Variants in PTPRD observed in about 807,000 individuals in gnomAD.
PTPRD encodes the protein protein tyrosine phosphatase receptor type D, also known as receptor-type tyrosine-protein phosphatase delta.
PTPRD carries 34 observed loss-of-function variants against 214.5 expected under a neutral mutation model. The observed-to-expected ratio is 0.16, with a 90% CI of 0.12 to 0.21. PTPRD has a LOEUF of 0.21. PTPRD is among the 10% of genes least tolerant of loss of function. The pLI is 1.00. For synonymous variants in PTPRD, 1,128 were observed against 845.7 expected, an observed-to-expected ratio of 1.33 and a Z score of -5.79; for missense variants, 2,545 against 2,398.7, an observed-to-expected ratio of 1.06 and a Z score of -1.27.
intron 11 of PTPRD, among the ~76,000 whole-genome samples, chr9:8,932,114 T>C (rs1275102333): frequency 6.6e-6 from 1 of 152,190 alleles, no homozygotes; most frequent in Non-Finnish European, 1.5e-5. Flanking sequence ...AACCCGCTCC[T>C]GGATTCGTTG....
At chr9:9,988,023 C>A (rs897982691) in intron 4 of PTPRD, among the ~76,000 whole-genome samples, 17 of 152,028 alleles carry the variant, frequency 1.1e-4, no homozygotes, top group African/African-American at 4.1e-4. Flanking sequence ...ATATCAATAA[C>A]AAAGAATTTA....
intron 11 of PTPRD, among the ~76,000 whole-genome samples, chr9:8,950,038 A>G (rs368199339): frequency 6.6e-5 from 10 of 152,158 alleles, no homozygotes; most frequent in South Asian, 2.1e-4. Flanking sequence ...TAATTCATCA[A>G]TCGTGTTGCA....
At chr9:10,543,467 A>AAT (rs771137112) in intron 2 of PTPRD, among the ~76,000 whole-genome samples, 142 of 142,998 alleles carry the variant, frequency 9.9e-4, no homozygotes, top group African/African-American at 2.5e-3. Flanking sequence ...TGAAGAGTTT[A>AAT]ATATATATAT....
intron 3 of PTPRD, among the ~76,000 whole-genome samples, chr9:10,035,964 G>A (rs1319399031): frequency 6.6e-6 from 1 of 152,076 alleles, no homozygotes; most frequent in East Asian, 1.9e-4. Context: ...GAGGACATAG[G>A]TGAGTGTCTA....
At chr9:9,896,740 A>G (rs1477769408) in intron 5 of PTPRD, among the ~76,000 whole-genome samples, 2 of 152,100 alleles carry the variant, frequency 1.3e-5, no homozygotes, top group Non-Finnish European at 2.9e-5. Context: ...TTGGGCATCA[A>G]TTGAAATATT....
intron 8 of PTPRD, among the ~76,000 whole-genome samples, chr9:9,489,708 C>T (rs994134744): frequency 6.6e-6 from 1 of 152,018 alleles, no homozygotes; most frequent in African/African-American, 2.4e-5. Context: ...AAAAATATCA[C>T]TGAGTCTTTA....
chr9:9,913,678 C>G (rs1433557983), intron 5 of PTPRD, among the ~76,000 whole-genome samples: 3 of 152,110 alleles, frequency 2.0e-5, no homozygotes, highest in African/African-American at 7.2e-5. Flanking sequence ...GCAGAAGAAC[C>G]CCACAAGCCC....
At chr9:10,320,718 T>G (rs1010424363) in intron 3 of PTPRD, among the ~76,000 whole-genome samples, 1 of 151,946 alleles carries the variant, frequency 6.6e-6, no homozygotes, top group African/African-American at 2.4e-5. Flanking sequence ...TTCCATTCAT[T>G]CATTGATTTT....
intron 8 of PTPRD, among the ~76,000 whole-genome samples, chr9:9,402,644 G>T (rs1390496622): frequency 6.6e-6 from 1 of 151,856 alleles, no homozygotes; most frequent in Non-Finnish European, 1.5e-5. Context: ...CCAAAACATT[G>T]AGATAATGCA....
intron 3 of PTPRD, among the ~76,000 whole-genome samples, chr9:10,037,668 A>G (rs73390239): frequency 1.3e-5 from 2 of 151,768 alleles, no homozygotes; most frequent in East Asian, 1.9e-4. Flanking sequence ...CAAGTTCTCC[A>G]TGGGAATTGA....
intron 10 of PTPRD, among the ~76,000 whole-genome samples, chr9:9,135,151 C>T (rs183955220): frequency 4.6e-5 from 7 of 152,240 alleles, no homozygotes; most frequent in East Asian, 3.9e-4. Context: ...AGTTTAAAGA[C>T]GTATCATATT....
At position 9,961,109 on chromosome 9, in the gene PTPRD, C is replaced by A. The variant is rs189929437; in HGVS notation, c.-471-22499G>T. On this transcript the variant is annotated intron_variant, in intron 4 of 45. Transcript: ENST00000381196. ...ATCTCCTTTCAAATATGAATTACAA[C>A]TAGGTTAAATGAATTACTGATATCA... Among the ~76,000 whole-genome samples the A allele has an allele frequency of 2.5e-3, 383 of 152,180 alleles. 1 individual carries two copies. The highest frequency in any genetic ancestry group is 8.7e-3 in the African/African-American group (361 of 41,530).
intron 7 of PTPRD, among the ~76,000 whole-genome samples, chr9:9,648,063 A>T (rs2096242447): frequency 6.6e-6 from 1 of 152,110 alleles, no homozygotes; most frequent in Non-Finnish European, 1.5e-5. Flanking sequence ...TGCACCTACC[A>T]AGTTACGACA....
At chr9:9,937,434 A>G (rs1373003618) in intron 5 of PTPRD, among the ~76,000 whole-genome samples, 1 of 151,316 alleles carries the variant, frequency 6.6e-6, no homozygotes, top group African/African-American at 2.4e-5. Context: ...AATAAAAAAA[A>G]AAAATAGTTC....
At chr9:9,985,919 T>G (rs975021065) in intron 4 of PTPRD, among the ~76,000 whole-genome samples, 6 of 152,070 alleles carry the variant, frequency 3.9e-5, no homozygotes, top group African/African-American at 1.4e-4. Context: ...AAAACTAATG[T>G]ATAGGTAGAG....
intron 5 of PTPRD, among the ~76,000 whole-genome samples, chr9:9,850,883 G>A (rs990270847): frequency 6.6e-6 from 1 of 152,064 alleles, no homozygotes; most frequent in African/African-American, 2.4e-5. Flanking sequence ...CTGCTTCTAT[G>A]AATTTGACCT....
At chr9:9,232,621 G>C (rs1206299343) in intron 9 of PTPRD, among the ~76,000 whole-genome samples, 3 of 151,982 alleles carry the variant, frequency 2.0e-5, no homozygotes, top group Non-Finnish European at 4.4e-5. Flanking sequence ...CCAAGGAATT[G>C]CATTTTTTAT....
chr9:8,926,337 C>T (rs145885152), intron 11 of PTPRD, among the ~76,000 whole-genome samples: 2 of 151,992 alleles, frequency 1.3e-5, no homozygotes, highest in Non-Finnish European at 2.9e-5. Flanking sequence ...TTATGCTTAC[C>T]TCAATAAAAA....
At chr9:10,497,921 A>G (rs1032715357) in intron 2 of PTPRD, among the ~76,000 whole-genome samples, 3 of 152,026 alleles carry the variant, frequency 2.0e-5, no homozygotes, top group Non-Finnish European at 4.4e-5. Flanking sequence ...TATGTACCAT[A>G]CACTGGATTG....
Sources: gnomAD v4.1 joint callset for allele counts (sites outside exome capture counted in the v4.1 genomes callset) on GRCh38, gnomAD v4.1.1 for gene constraint, MANE v1.5 for transcripts, NCBI Gene and HGNC (gene_info 2026-07-23, HGNC 2026-07-21) for gene names.